Variants in ZBTB16 observed in about 807,000 individuals in gnomAD.
ZBTB16 encodes the protein zinc finger and BTB domain-containing protein 16.
In ZBTB16, 8 loss-of-function variants were observed where a neutral mutation model predicts 56.8. The observed-to-expected ratio is 0.14, with a 90% CI of 0.08 to 0.25. The LOEUF is 0.25. Ranked by LOEUF, ZBTB16 falls within the 10% of genes least tolerant of loss-of-function variation. The pLI is 1.00. For synonymous variants in ZBTB16, 363 were observed against 368.5 expected, an observed-to-expected ratio of 0.98 and a Z score of 0.17; for missense variants, 625 against 903.0, an observed-to-expected ratio of 0.69 and a Z score of 3.95.
chr11:114,109,870 T>C (rs1035254500), intron 2 of ZBTB16, among the ~76,000 whole-genome samples: 6 of 152,054 alleles, frequency 3.9e-5, no homozygotes. Context: ...AAGGAAATCA[T>C]GGTTTGGCTG....
chr11:114,208,911 T>A (rs1030335933), intron 4 of ZBTB16, among the ~76,000 whole-genome samples: 2 of 152,202 alleles, frequency 1.3e-5, no homozygotes, highest in Non-Finnish European at 2.9e-5. Flanking sequence ...GTCATCCGAA[T>A]GGGTCAATGA....
intron 2 of ZBTB16, among the ~76,000 whole-genome samples, chr11:114,126,976 A>G (rs941849827): frequency 6.6e-6 from 1 of 152,120 alleles, no homozygotes; most frequent in Non-Finnish European, 1.5e-5. Context: ...AAGCATCTTG[A>G]AGGCCAGGAC....
chr11:114,120,138 A>G (rs1941300518), intron 2 of ZBTB16, among the ~76,000 whole-genome samples: 1 of 152,108 alleles, frequency 6.6e-6, no homozygotes, highest in South Asian at 2.1e-4. Flanking sequence ...TGTAAGGGAG[A>G]GGAGATGGGA....
At chr11:114,087,676 C>G (rs1020241303) in intron 2 of ZBTB16, among the ~76,000 whole-genome samples, 18 of 152,284 alleles carry the variant, frequency 1.2e-4, no homozygotes, top group African/African-American at 4.1e-4. Context: ...GAGTAGGGCT[C>G]TGATGGGGTT....
At chr11:114,111,012 GA>G (rs753533105) in intron 2 of ZBTB16, among the ~76,000 whole-genome samples, 4 of 152,160 alleles carry the variant, frequency 2.6e-5, no homozygotes, top group Non-Finnish European at 4.4e-5. Context: ...ATGTTGGGGG[GA>G]AAACTATTCA....
chr11:114,235,629 C>CCTTCCTTCCTTCCTTTCTTTCTTT (rs767837990), intron 4 of ZBTB16, among the ~76,000 whole-genome samples: 62 of 97,834 alleles, frequency 6.3e-4, no homozygotes, highest in African/African-American at 2.4e-3. Flanking sequence ...CCTCTCCCTT[C>CCTTCCTTCCTTCCTTTCTTTCTTT]CTTTCTTTCT....
intron 2 of ZBTB16, among the ~76,000 whole-genome samples, chr11:114,106,563 T>C (rs886682231): frequency 6.6e-6 from 1 of 151,532 alleles, no homozygotes; most frequent in Non-Finnish European, 1.5e-5. Context: ...CTCCACCTCC[T>C]GGGTTCAAGC....
intron 2 of ZBTB16, among the ~76,000 whole-genome samples, chr11:114,130,606 A>G (rs961305047): frequency 2.6e-5 from 4 of 152,244 alleles, no homozygotes; most frequent in Non-Finnish European, 5.9e-5. Flanking sequence ...CTAGGCTTGC[A>G]GTGGCTTTTA....
At chr11:114,225,959 T>C (rs1328570120) in intron 4 of ZBTB16, among the ~76,000 whole-genome samples, 1 of 152,212 alleles carries the variant, frequency 6.6e-6, no homozygotes, top group Non-Finnish European at 1.5e-5. Flanking sequence ...GACCCAGAGA[T>C]ACTAAGTGAT....
At chr11:114,233,648 TTTTCTTG>T (rs1944503823) in intron 4 of ZBTB16, among the ~76,000 whole-genome samples, 1 of 152,036 alleles carries the variant, frequency 6.6e-6, no homozygotes, top group African/African-American at 2.4e-5. Context: ...TATCCACCCC[TTTTCTTG>T]TCCCCCTCCC....
At chr11:114,087,333 T>G (rs1939993046) in intron 2 of ZBTB16, among the ~76,000 whole-genome samples, 1 of 152,222 alleles carries the variant, frequency 6.6e-6, no homozygotes, top group Non-Finnish European at 1.5e-5. Flanking sequence ...CTAGTTGTTT[T>G]TCGTTTTTTG....
At chr11:114,081,579 C>CA (rs909283325) in intron 2 of ZBTB16, among the ~76,000 whole-genome samples, 1 of 152,136 alleles carries the variant, frequency 6.6e-6, no homozygotes. Flanking sequence ...GCAAGATAGA[C>CA]AAGACGTCTA....
At chr11:114,163,471 T>A (rs1208528548) in intron 3 of ZBTB16, among the ~76,000 whole-genome samples, 1 of 152,138 alleles carries the variant, frequency 6.6e-6, no homozygotes, top group African/African-American at 2.4e-5. Flanking sequence ...AGTATCAGGT[T>A]CCATGATGGT....
At chr11:114,177,604 T>C (rs1243304190) in intron 3 of ZBTB16, among the ~76,000 whole-genome samples, 1 of 152,056 alleles carries the variant, frequency 6.6e-6, no homozygotes, top group Non-Finnish European at 1.5e-5. Context: ...GATCTCTCAG[T>C]TGGCAAAGCA....
At chr11:114,161,096 G>A (rs574912058) in intron 3 of ZBTB16, among the ~76,000 whole-genome samples, 12 of 152,246 alleles carry the variant, frequency 7.9e-5, no homozygotes, top group African/African-American at 2.4e-4. Context: ...GTCGTAACAC[G>A]AGAAGTGATT....
At chr11:114,247,966 C>T (rs1371595897) in intron 6 of ZBTB16, among the ~76,000 whole-genome samples, 3 of 151,640 alleles carry the variant, frequency 2.0e-5, no homozygotes, top group Non-Finnish European at 2.9e-5. Context: ...GGCACGATCT[C>T]AGTTCACTGC....
intron 2 of ZBTB16, among the ~76,000 whole-genome samples, chr11:114,101,504 A>G (rs1940607196): frequency 6.6e-6 from 1 of 152,158 alleles, no homozygotes; most frequent in Non-Finnish European, 1.5e-5. Context: ...TTTGATATAA[A>G]CTGAGTGACT....
At chr11:114,068,537 C>A (rs1939211910) in intron 2 of ZBTB16, among the ~76,000 whole-genome samples, 1 of 152,134 alleles carries the variant, frequency 6.6e-6, no homozygotes, top group African/African-American at 2.4e-5. Flanking sequence ...GTGGGAAGAC[C>A]AGACAAAGGC....
chr11:114,148,421 C>CTCTCACTCTCTGTCTGTCTG (rs770626931), intron 2 of ZBTB16, among the ~76,000 whole-genome samples: 1 of 33,578 alleles, frequency 3.0e-5, no homozygotes, highest in Non-Finnish European at 5.6e-5. Context: ...CCCTCCCTCC[C>CTCTCACTCTCTGTCTGTCTG]TCCCTCTCTC....
Sources: gnomAD v4.1 joint callset for allele counts (sites outside exome capture counted in the v4.1 genomes callset) on GRCh38, gnomAD v4.1.1 for gene constraint, MANE v1.5 for transcripts, NCBI Gene and HGNC (gene_info 2026-07-23, HGNC 2026-07-21) for gene names.